The following FRYL variants were observed in gnomAD, a reference collection of about 807,000 sequenced individuals.
FRYL encodes FRY like transcription coactivator.
FRYL carries 150 observed loss-of-function variants against 351.2 expected under a neutral mutation model. The observed-to-expected ratio is 0.43, with a 90% CI of 0.37 to 0.49. The LOEUF (loss-of-function observed/expected upper bound fraction) is 0.49, where lower values mean the gene tolerates loss of function less well. FRYL is among the 20% of genes least tolerant of loss of function. The pLI is 0.00. For synonymous variants in FRYL, 1,153 were observed against 1,257.1 expected (o/e 0.92, Z 1.75); for missense variants, 3,036 against 3,619.3 (o/e 0.84, Z 4.13).
intron 59 of FRYL, among the ~76,000 whole-genome samples, chr4:48,507,910 G>T (rs557379889): frequency 6.6e-6 from 1 of 152,322 alleles, no homozygotes; most frequent in East Asian, 1.9e-4. Context: ...GGTCGGCAGA[G>T]ACCGCTGGTC....
chr4:48,513,380 T>C (rs986802156), intron 56 of FRYL, among the ~76,000 whole-genome samples: 8 of 152,248 alleles, frequency 5.3e-5, no homozygotes, highest in African/African-American at 1.9e-4. Context: ...CAAAGAAACA[T>C]AAGACCTCGC....
intron 7 of FRYL, 59 bp downstream of exon 7, chr4:48,619,215 C>A: frequency 9.4e-7 from 1 of 1,063,570 alleles, no homozygotes; most frequent in Admixed American, 1.9e-5. Context: ...AACTGAAACA[C>A]GAAGGCACAG....
At chr4:48,506,780 A>ATAG (rs1721162968) in intron 59 of FRYL, among the ~76,000 whole-genome samples, 1 of 151,632 alleles carries the variant, frequency 6.6e-6, no homozygotes, top group Non-Finnish European at 1.5e-5. Flanking sequence ...TGTACCCACA[A>ATAG]AGAAAGAATT....
chr4:48,671,845 T>A (rs1358126284), intron 3 of FRYL, among the ~76,000 whole-genome samples: 1 of 91,066 alleles, frequency 1.1e-5, no homozygotes, highest in Admixed American at 1.8e-4. Context: ...AGAGAGAGAC[T>A]CCGTCTCAAA....
chr4:48,581,898 T>C (rs1393073816), intron 20 of FRYL, among the ~76,000 whole-genome samples: 4 of 152,148 alleles, frequency 2.6e-5, no homozygotes, highest in African/African-American at 9.7e-5. Flanking sequence ...AATGAGGGGA[T>C]TGTAGTGTAT....
chr4:48,573,490 T>G (rs1216650929), intron 25 of FRYL, among the ~76,000 whole-genome samples: 1 of 152,232 alleles, frequency 6.6e-6, no homozygotes, highest in African/African-American at 2.4e-5. Context: ...ATATTTTTAT[T>G]CAATCAGTTT....
At position 48,498,739 on chromosome 4, in the gene FRYL, G is replaced by A. The variant is rs1718919307; in HGVS notation, c.*683C>T. ...ACATTTCTTCAAAAATAATCTTGCA[G>A]TGCTCTTTTAGGCATGCTCTGAGAC... On this transcript the variant is annotated 3_prime_UTR_variant, in exon 64 of 64. Transcript: ENST00000358350. The A allele has an allele frequency of 6.6e-6, 1 of 152,582 alleles. No individual in the cohort carries two copies. Among genetic ancestry groups the A allele is most frequent in the East Asian group, 1.9e-4 (1 of 5,184 alleles). 9.5% of individuals were successfully genotyped at this position (152,582 alleles called of 1,614,324 possible).
intron 25 of FRYL, among the ~76,000 whole-genome samples, chr4:48,573,460 T>G (rs1161814090): frequency 3.9e-5 from 6 of 152,204 alleles, no homozygotes; most frequent in Admixed American, 1.3e-4. Context: ...TTATTTTAAT[T>G]TATAGAGGGA....
At chr4:48,684,357 G>T (rs1448259895) in intron 3 of FRYL, among the ~76,000 whole-genome samples, 1 of 152,102 alleles carries the variant, frequency 6.6e-6, no homozygotes, top group Non-Finnish European at 1.5e-5. Context: ...TGCTTCCTAA[G>T]CCCCCTCGTT....
At chr4:48,524,956 C>T (rs1725684536) in intron 53 of FRYL, among the ~76,000 whole-genome samples, 2 of 151,726 alleles carry the variant, frequency 1.3e-5, no homozygotes, top group Non-Finnish European at 2.9e-5. Context: ...GTCTCTTTAA[C>T]CTATTCCACT....
At chr4:48,691,746 G>A (rs1176904155) in intron 2 of FRYL, among the ~76,000 whole-genome samples, 4 of 152,128 alleles carry the variant, frequency 2.6e-5, no homozygotes, top group Non-Finnish European at 5.9e-5. Flanking sequence ...CCTAGAGGTA[G>A]CCACTATGAA....
At chr4:48,667,179 T>C (rs1761858822) in intron 3 of FRYL, among the ~76,000 whole-genome samples, 1 of 152,156 alleles carries the variant, frequency 6.6e-6, no homozygotes, top group African/African-American at 2.4e-5. Context: ...CCCCCATATG[T>C]AGCAGGATGG....
chr4:48,680,945 C>T (rs1235851599), intron 3 of FRYL: 25 of 1,231,192 alleles, frequency 2.0e-5, no homozygotes, highest in East Asian at 1.2e-4. Flanking sequence ...TGTTGGTGTT[C>T]GTATTTGTCA....
chr4:48,713,417 T>A (rs912719674), intron 1 of FRYL, among the ~76,000 whole-genome samples: 1 of 151,862 alleles, frequency 6.6e-6, no homozygotes, highest in Non-Finnish European at 1.5e-5. Context: ...AATAAAGGGA[T>A]GGAGGAAGAT....
chr4:48,742,826 T>G (rs112377696), intron 1 of FRYL, among the ~76,000 whole-genome samples: 1 of 149,384 alleles, frequency 6.7e-6, no homozygotes, highest in African/African-American at 2.5e-5. Context: ...TGTTTTTTTG[T>G]TTTTTGTTTT....
At chr4:48,574,303 T>A (rs1056715142) in intron 25 of FRYL, 12 of 152,188 alleles carry the variant, frequency 7.9e-5, no homozygotes, top group Non-Finnish European at 1.3e-4. Flanking sequence ...TAAGTTGAGA[T>A]CACTTTTAAA....
chr4:48,562,682 T>C (rs1735791810), intron 32 of FRYL, among the ~76,000 whole-genome samples: 2 of 152,146 alleles, frequency 1.3e-5, no homozygotes, highest in South Asian at 4.1e-4. Context: ...TACAATACAC[T>C]TAGGAATAGT....
chr4:48,528,741 G>A (rs1312230527), intron 50 of FRYL, among the ~76,000 whole-genome samples: 5 of 151,928 alleles, frequency 3.3e-5, no homozygotes, highest in Non-Finnish European at 2.9e-5. Context: ...AAATTTTGGC[G>A]CTTTTTCAAA....
intron 36 of FRYL, 50 bp from the exon 37 acceptor site, chr4:48,551,628 C>A (rs1205501860): frequency 1.8e-6 from 2 of 1,117,140 alleles, no homozygotes; most frequent in East Asian, 2.4e-5. Flanking sequence ...CCTGGAATAA[C>A]CCAATAAGAA....
Sources: gnomAD v4.1 joint callset for allele counts (sites outside exome capture counted in the v4.1 genomes callset) on GRCh38, gnomAD v4.1.1 for gene constraint, MANE v1.5 for transcripts, NCBI Gene and HGNC (gene_info 2026-07-23, HGNC 2026-07-21) for gene names.